Variants in DDHD2 observed in about 807,000 individuals in gnomAD.
DDHD2 encodes triacylglycerol hydrolase DDHD2.
A neutral mutation model predicts 91.2 loss-of-function variants in DDHD2; 62 were observed. The observed-to-expected ratio is 0.68, with a 90% CI of 0.55 to 0.84. The LOEUF (loss-of-function observed/expected upper bound fraction) is 0.84. Among genes scored for constraint, DDHD2 ranks in the 40% least tolerant of loss-of-function variants. The probability of loss-of-function intolerance (pLI) is 0.00; values close to 1 mark genes in which losing one functional copy is unlikely to be tolerated. For synonymous variants in DDHD2, 271 were observed against 293.9 expected (o/e 0.92, Z 0.80); for missense variants, 740 against 846.9 (o/e 0.87, Z 1.57).
At position 38,232,303 on chromosome 8, in the gene DDHD2, T is replaced by C. The variant is rs527593246; in HGVS notation, c.-9+444T>C. On this transcript the variant is annotated intron_variant, in intron 1 of 17. Transcript: ENST00000397166. ...TGATCGTTGCCGAGTGGAAGGAGTGTTGGAGAGGTAGAAACAGCTGGTCAG... is the reference window on the plus strand; with the variant it reads ...TGATCGTTGCCGAGTGGAAGGAGTGCTGGAGAGGTAGAAACAGCTGGTCAG... Among the ~76,000 whole-genome samples, 33 of 152,280 alleles carry C rather than the reference T, an allele frequency of 2.2e-4. No homozygotes were observed. The South Asian group carries it at 6.2e-3, about 29-fold the overall frequency.
At chr8:38,234,684 T>A in intron 3 of DDHD2, 100 bp downstream of exon 3, 1 of 973,984 alleles carries the variant, frequency 1.0e-6, no homozygotes, top group South Asian at 1.8e-5. Context: ...AGAAAGACTT[T>A]GGTTCTGTCT....
At chr8:38,236,931 T>C (rs1210403293) in intron 3 of DDHD2, among the ~76,000 whole-genome samples, 1 of 151,732 alleles carries the variant, frequency 6.6e-6, no homozygotes, top group Non-Finnish European at 1.5e-5. Context: ...TCCCAAAGTA[T>C]TGTGATTACA....
chr8:38,242,815 A>G (rs576161681), intron 7 of DDHD2, among the ~76,000 whole-genome samples: 2 of 152,348 alleles, frequency 1.3e-5, no homozygotes. Flanking sequence ...CTAGCATTTA[A>G]AACTTGAGGT....
intron 16 of DDHD2, among the ~76,000 whole-genome samples, chr8:38,259,259 G>C (rs1207193203): frequency 1.3e-5 from 2 of 150,932 alleles, no homozygotes; most frequent in African/African-American, 4.9e-5. Context: ...CTGTCGCCCA[G>C]GCTGAAGTGC....
rs368133090 is a variant in DDHD2 at position 38,256,127 on chromosome 8, A to G, written c.2054+2409A>G. 1.6e-4 allele frequency among the ~76,000 whole-genome samples: 24 copies of G among 152,236 alleles called. No homozygotes were observed. In the East Asian group the frequency reaches 4.1e-3, roughly 26 times the overall value. On this transcript the variant is annotated intron_variant, in intron 16 of 17. Transcript: ENST00000397166. ...TCACTACAATCAACTTAACATATTCATCACTCTCAAAAGTTTCCTTGTGCC... is the reference window on the plus strand; with the variant it reads ...TCACTACAATCAACTTAACATATTCGTCACTCTCAAAAGTTTCCTTGTGCC...
intron 17 of DDHD2, 62 bp downstream of exon 17, chr8:38,260,209 T>A (rs951915473): frequency 2.2e-6 from 2 of 927,502 alleles, no homozygotes; most frequent in African/African-American, 1.7e-5. Context: ...TATAATGAAC[T>A]ATGGAGCCTC....
At position 38,246,287 on chromosome 8, in the gene DDHD2, T is replaced by C. The variant is rs1805630589; in HGVS notation, c.1112T>C (p.Ile371Thr). 6.2e-7 allele frequency: 1 copy of C among 1,608,172 alleles called. No homozygotes were observed. The highest frequency in any genetic ancestry group is 1.3e-5 in the African/African-American group (1 of 74,790). The change falls in exon 9 of 18, where the codon ATT becomes ACT. Residue 371 changes from isoleucine to threonine, a missense_variant. Ile to Thr is a moderately conservative substitution (Grantham distance 89, BLOSUM62 -1). Coordinates refer to ENST00000397166, the MANE Select transcript of DDHD2 (RefSeq NM_015214.3). ...AATCAGAAAGATTCTTTGGGGGATA[T>C]TGACAGTGAAAAGGTAATTTAGATG... is the stretch of plus-strand genomic sequence containing the variant. The part of the protein sequence containing the change: ...LTNQKDSLGD[I>T]DSEKDSLNIV...
chr8:38,245,723 T>C lies in DDHD2; in HGVS notation c.849-19T>C. On this transcript the variant is annotated intron_variant, in intron 7 of 17. Coordinates refer to ENST00000397166, the MANE Select transcript of DDHD2 (RefSeq NM_015214.3). ...AGTGTATTTAGGTTTCCTGCTTATA[T>C]TATTTTTCCTTTTTTCAGAGATCTG... 1 of 1,611,082 alleles carries C rather than the reference T, an allele frequency of 6.2e-7. No individual in the cohort carries two copies. The highest frequency in any genetic ancestry group is 1.3e-5 in the African/African-American group (1 of 74,998).
intron 7 of DDHD2, among the ~76,000 whole-genome samples, chr8:38,245,117 A>G (rs565792949): frequency 6.6e-6 from 1 of 152,020 alleles, no homozygotes; most frequent in East Asian, 1.9e-4. Context: ...CCTTGCAATT[A>G]GTTGATATGT....
At chr8:38,251,004 C>G (rs1042504511) in intron 11 of DDHD2, 3 of 152,200 alleles carry the variant, frequency 2.0e-5, no homozygotes, top group Non-Finnish European at 4.4e-5. Context: ...CTTCCACATT[C>G]AGTTTTTCTG....
chr8:38,255,125 G>A (rs1806407728), intron 16 of DDHD2, among the ~76,000 whole-genome samples: 1 of 149,242 alleles, frequency 6.7e-6, no homozygotes, highest in South Asian at 2.1e-4. Context: ...AACCTGGGAG[G>A]CAGAGGTTGC....
intron 6 of DDHD2, among the ~76,000 whole-genome samples, chr8:38,241,319 T>C (rs993073013): frequency 2.0e-5 from 3 of 152,110 alleles, no homozygotes; most frequent in African/African-American, 7.2e-5. Context: ...TGTTGTTATA[T>C]TGTCATGTGA....
At position 38,233,124 on chromosome 8, in the gene DDHD2, T is replaced by C. The variant is rs1804424494; in HGVS notation, c.130T>C (p.Trp44Arg). ...GSLYEPVSPH[W>R]FYCKIIDSKE... ...CTTGTATGAACCAGTTTCTCCCCATTGGTTTTATTGTAAGATAATAGATTC... is the reference window on the plus strand; with the variant it reads ...CTTGTATGAACCAGTTTCTCCCCATCGGTTTTATTGTAAGATAATAGATTC... Residue 44 changes from tryptophan to arginine, a missense_variant, in exon 2 of 18, where the codon TGG (tryptophan) becomes CGG (arginine). Trp to Arg is a moderately radical substitution (Grantham distance 101). Transcript: ENST00000397166. 6.2e-7 allele frequency: 1 copy of C among 1,613,978 alleles called. No homozygotes were observed. The highest frequency in any genetic ancestry group is 8.5e-7 in the Non-Finnish European group (1 of 1,180,010).
intron 5 of DDHD2, among the ~76,000 whole-genome samples, chr8:38,239,401 A>C (rs1585711281): frequency 6.8e-6 from 1 of 148,142 alleles, no homozygotes; most frequent in Non-Finnish European, 1.5e-5. Flanking sequence ...AGTTTTTAAA[A>C]CCTGAAAAAA....
At chr8:38,263,894 G>A (rs1158878876), downstream of DDHD2, 1 of 984,092 alleles carries the variant, frequency 1.0e-6, no homozygotes, top group Non-Finnish European at 1.2e-6. Flanking sequence ...TAATCTGATA[G>A]ACCAGATTCA....
At position 38,252,224 on chromosome 8, in the gene DDHD2, A is replaced by C; in HGVS notation, c.1554A>C (p.Leu518=). ...PIGMFLTVRG[L]KRIDPNYRFP... The stretch of plus-strand genomic sequence containing the variant: ...GAATGTTCCTTACTGTCCGAGGACT[A>C]AAAAGAATTGATCCCAACTACAGAT... The change falls in exon 13 of 18, where the codon CTA becomes CTC. Residue 518 remains leucine, a synonymous_variant. Transcript: ENST00000397166. 4 of 1,614,120 alleles carry C rather than the reference A, an allele frequency of 2.5e-6. No homozygotes were observed. Among genetic ancestry groups the C allele is most frequent in the Middle Eastern group, 1.6e-4 (1 of 6,062 alleles).
At chr8:38,252,616 T>C (rs1806197568) in intron 13 of DDHD2, 106 bp from the exon 14 acceptor site, 1 of 788,370 alleles carries the variant, frequency 1.3e-6, no homozygotes, top group Non-Finnish European at 2.0e-6. Flanking sequence ...CACTCCAGCC[T>C]GGGTGACAGA....
At chr8:38,267,758 G>A (rs966606652), downstream of DDHD2, 30 of 907,886 alleles carry the variant, frequency 3.3e-5, 1 homozygote, top group Middle Eastern at 2.2e-4. Context: ...GGGAGTAAGC[G>A]TTGAATGACA....
intron 6 of DDHD2, among the ~76,000 whole-genome samples, chr8:38,240,819 TC>T (rs1324960094): frequency 1.3e-5 from 2 of 152,218 alleles, no homozygotes; most frequent in Non-Finnish European, 2.9e-5. Context: ...ACGCCTGTAA[TC>T]CCAGCACTTT....
Sources: gnomAD v4.1 joint callset for allele counts (sites outside exome capture counted in the v4.1 genomes callset) on GRCh38, gnomAD v4.1.1 for gene constraint, MANE v1.5 for transcripts, NCBI Gene and HGNC (gene_info 2026-07-23, HGNC 2026-07-21) for gene names.